RBPJ: variants seen among roughly 807,000 people sequenced by gnomAD.
The protein encoded by RBPJ is recombination signal binding protein for immunoglobulin kappa J region.
In RBPJ, 9 loss-of-function variants were observed where a neutral mutation model predicts 67.8. That is an observed-to-expected ratio of 0.13 (90% confidence interval 0.08 to 0.23). The LOEUF (loss-of-function observed/expected upper bound fraction) is 0.23, where lower values mean the gene tolerates loss of function less well. RBPJ is among the 10% of genes least tolerant of loss of function. RBPJ has a pLI of 1.00. For synonymous variants in RBPJ, 198 were observed against 203.3 expected, an observed-to-expected ratio of 0.97 and a Z score of 0.22; for missense variants, 305 against 595.6, an observed-to-expected ratio of 0.51 and a Z score of 5.08.
At chr4:26,357,297 C>T (rs969860150) in intron 1 of RBPJ, among the ~76,000 whole-genome samples, 16 of 151,692 alleles carry the variant, frequency 1.1e-4, no homozygotes, top group African/African-American at 3.4e-4. Context: ...TAATGAAGGC[C>T]GAGGCATTAG....
At chr4:26,130,850 C>T in the RBPJ span, among the ~76,000 whole-genome samples, 1 of 152,142 alleles carries the variant, frequency 6.6e-6, no homozygotes, top group Non-Finnish European at 1.5e-5. Context: ...ATGAATCTTA[C>T]AAATAGAGTA....
intron 1 of RBPJ, among the ~76,000 whole-genome samples, chr4:26,194,710 G>A (rs1000591657): frequency 7.2e-5 from 11 of 152,190 alleles, no homozygotes; most frequent in Admixed American, 2.0e-4. Flanking sequence ...GTGTGGACCC[G>A]TGTGTCTCCA....
At chr4:26,113,718 G>T in the RBPJ span, 1 of 289,564 alleles carries the variant, frequency 3.5e-6, no homozygotes, top group South Asian at 4.3e-5. Context: ...GTCCATCAAA[G>T]AACTCACATG....
chr4:26,130,639 A>G, the RBPJ span, among the ~76,000 whole-genome samples: 32 of 152,254 alleles, frequency 2.1e-4, no homozygotes, highest in Middle Eastern at 3.4e-3. Context: ...TCTCCCCGTA[A>G]CACCACAGTG....
chr4:26,396,061 T>G (rs1373986538), intron 2 of RBPJ, among the ~76,000 whole-genome samples: 2 of 152,228 alleles, frequency 1.3e-5, no homozygotes, highest in African/African-American at 2.4e-5. Flanking sequence ...AGACAGAGGT[T>G]TCTTTGCATG....
intron 1 of RBPJ, among the ~76,000 whole-genome samples, chr4:26,251,847 C>CAA (rs769291407): frequency 0.014 from 697 of 49,136 alleles, 1 homozygote; most frequent in Non-Finnish European, 0.016. Flanking sequence ...GACTCCGTCT[C>CAA]AAAAAAAAAA....
At chr4:26,234,899 G>A (rs1342166711) in intron 1 of RBPJ, among the ~76,000 whole-genome samples, 1 of 151,956 alleles carries the variant, frequency 6.6e-6, no homozygotes, top group African/African-American at 2.4e-5. Context: ...CACCATGTTG[G>A]CCAGGCTGGT....
intron 1 of RBPJ, among the ~76,000 whole-genome samples, chr4:26,273,459 G>A (rs541456450): frequency 3.3e-5 from 5 of 152,316 alleles, no homozygotes; most frequent in South Asian, 2.1e-4. Context: ...AGCGTGGAGC[G>A]GGCCTCCCGG....
chr4:26,350,157 T>G (rs1218150927), intron 1 of RBPJ, among the ~76,000 whole-genome samples: 1 of 152,172 alleles, frequency 6.6e-6, no homozygotes, highest in Non-Finnish European at 1.5e-5. Flanking sequence ...AGATACTTTC[T>G]TACAAATTTT....
At chr4:26,187,418 CT>C (rs1321477319) in intron 1 of RBPJ, among the ~76,000 whole-genome samples, 1 of 151,892 alleles carries the variant, frequency 6.6e-6, no homozygotes, top group East Asian at 1.9e-4. Context: ...GTGAGTGAAA[CT>C]TTTTTCCTCT....
intron 1 of RBPJ, chr4:26,323,025 G>T (rs571182844): frequency 7.0e-6 from 1 of 142,688 alleles, no homozygotes; most frequent in Non-Finnish European, 1.6e-5. Context: ...AAGTGTTGTT[G>T]ATAGGGGACA....
intron 1 of RBPJ, among the ~76,000 whole-genome samples, chr4:26,338,092 G>GT (rs762303340): frequency 8.4e-4 from 82 of 97,964 alleles, no homozygotes; most frequent in East Asian, 4.2e-3. Context: ...GTGTTTTTTT[G>GT]TTGTTTTTTT....
Position 26,333,220 on chromosome 4 carries a change from C to T in RBPJ, c.20+12172C>T, listed in dbSNP as rs11726927. On this transcript the variant is annotated intron_variant, in intron 1 of 10. Coordinates refer to ENST00000355476, the MANE Select transcript of RBPJ (RefSeq NM_015874.6). ...GGAGGATCCTGCAAGCAATCCCCTG[C>T]GGATACCAAGGAACAACGATATATT... 1.9e-3 allele frequency among the ~76,000 whole-genome samples: 285 copies of T among 152,186 alleles called. 1 individual carries two copies. The highest frequency in any genetic ancestry group is 2.7e-3 in the Non-Finnish European group (186 of 68,004).
chr4:26,375,019 A>C (rs375541742), intron 1 of RBPJ, among the ~76,000 whole-genome samples: 1 of 151,710 alleles, frequency 6.6e-6, no homozygotes, highest in African/African-American at 2.4e-5. Flanking sequence ...GATTGATGTG[A>C]GGGCTGGGCA....
intron 1 of RBPJ, among the ~76,000 whole-genome samples, chr4:26,274,593 G>A (rs571402383): frequency 3.9e-5 from 6 of 152,244 alleles, no homozygotes; most frequent in African/African-American, 1.2e-4. Flanking sequence ...TCATGCCACC[G>A]CATTCCAGCC....
At chr4:26,400,577 A>C (rs948492235) in intron 2 of RBPJ, among the ~76,000 whole-genome samples, 5 of 152,234 alleles carry the variant, frequency 3.3e-5, no homozygotes, top group Admixed American at 6.5e-5. Context: ...GCAGAAAGTC[A>C]ATGATCAAGC....
chr4:26,224,088 G>C (rs1719003829), intron 1 of RBPJ, among the ~76,000 whole-genome samples: 1 of 152,156 alleles, frequency 6.6e-6, no homozygotes, highest in Non-Finnish European at 1.5e-5. Flanking sequence ...GATATTATTA[G>C]TATTGATATT....
intron 1 of RBPJ, among the ~76,000 whole-genome samples, chr4:26,240,804 A>G (rs1181199240): frequency 6.6e-6 from 1 of 152,130 alleles, no homozygotes. Context: ...GTTTTGTGCA[A>G]TATCCTGTGA....
intron 1 of RBPJ, among the ~76,000 whole-genome samples, chr4:26,371,974 G>A (rs1400765767): frequency 6.6e-6 from 1 of 152,276 alleles, no homozygotes; most frequent in East Asian, 1.9e-4. Context: ...TCAGGAATGA[G>A]GGAAACCCTC....
Sources: gnomAD v4.1 joint callset for allele counts (sites outside exome capture counted in the v4.1 genomes callset) on GRCh38, gnomAD v4.1.1 for gene constraint, MANE v1.5 for transcripts, NCBI Gene and HGNC (gene_info 2026-07-23, HGNC 2026-07-21) for gene names.